The following DPY19L4 variants were observed in gnomAD, a reference collection of about 807,000 sequenced individuals.
DPY19L4 encodes the protein probable C-mannosyltransferase DPY19L4.
DPY19L4 carries 97 observed loss-of-function variants against 102.8 expected under a neutral mutation model. That is an observed-to-expected ratio of 0.94 (90% CI 0.80 to 1.12). The LOEUF is 1.12. Among genes scored for constraint, DPY19L4 ranks in the 50% most tolerant of loss-of-function variants. The probability of loss-of-function intolerance (pLI) is 0.00; values close to 1 mark genes in which losing one functional copy is unlikely to be tolerated. For synonymous variants in DPY19L4, 252 were observed against 283.1 expected (o/e 0.89, Z 1.10); for missense variants, 815 against 850.4 (o/e 0.96, Z 0.52).
At chr8:94,727,191 G>A (rs1810727714) in intron 2 of DPY19L4, among the ~76,000 whole-genome samples, 1 of 152,200 alleles carries the variant, frequency 6.6e-6, no homozygotes, top group African/African-American at 2.4e-5. Context: ...GGACTCACAA[G>A]TTTCAGAATG....
At chr8:94,725,763 G>T (rs1346783753) in intron 1 of DPY19L4, among the ~76,000 whole-genome samples, 3 of 152,030 alleles carry the variant, frequency 2.0e-5, no homozygotes, top group African/African-American at 4.8e-5. Context: ...AGCCCCCCAA[G>T]TAGCTGGGAC....
intron 13 of DPY19L4, among the ~76,000 whole-genome samples, chr8:94,775,058 C>G (rs1270401785): frequency 6.6e-6 from 1 of 152,090 alleles, no homozygotes; most frequent in Non-Finnish European, 1.5e-5. Context: ...ACTGTGGATA[C>G]AAGGGGTCTT....
At chr8:94,731,947 A>G (rs1461179182) in intron 2 of DPY19L4, among the ~76,000 whole-genome samples, 1 of 151,520 alleles carries the variant, frequency 6.6e-6, no homozygotes, top group Admixed American at 6.6e-5. Flanking sequence ...TTGTTTTTGT[A>G]TTTTTAGTAG....
At chr8:94,752,322 C>T (rs895406271) in intron 6 of DPY19L4, among the ~76,000 whole-genome samples, 4 of 152,016 alleles carry the variant, frequency 2.6e-5, no homozygotes, top group African/African-American at 4.8e-5. Flanking sequence ...CAGGGTCTCA[C>T]GCCTGTAATC....
At chr8:94,758,582 C>G (rs921236608) in intron 7 of DPY19L4, among the ~76,000 whole-genome samples, 11 of 152,268 alleles carry the variant, frequency 7.2e-5, no homozygotes, top group African/African-American at 2.4e-4. Flanking sequence ...AATTTTGTCA[C>G]CTTGAAAGGT....
intron 13 of DPY19L4, among the ~76,000 whole-genome samples, chr8:94,771,207 A>G (rs1379469075): frequency 1.3e-5 from 2 of 152,166 alleles, no homozygotes; most frequent in South Asian, 2.1e-4. Flanking sequence ...GAGCCACCGC[A>G]CCCAGCAAAG....
chr8:94,766,300 G>A (rs549955750), intron 10 of DPY19L4, among the ~76,000 whole-genome samples: 86 of 152,234 alleles, frequency 5.6e-4, no homozygotes, highest in African/African-American at 2.0e-3. Context: ...GCTTGAACCC[G>A]GGAGGCAGAG....
At chr8:94,738,331 AAAAT>A in intron 3 of DPY19L4, 34 bp from the exon 4 acceptor site, 2 of 1,299,880 alleles carry the variant, frequency 1.5e-6, no homozygotes, top group African/African-American at 1.6e-5. Flanking sequence ...AAAAAAAAAA[AAAAT>A]TAAATTTTAA....
intron 6 of DPY19L4, among the ~76,000 whole-genome samples, chr8:94,741,380 T>C (rs370168880): frequency 1.1e-4 from 17 of 152,342 alleles, no homozygotes; most frequent in African/African-American, 4.1e-4. Flanking sequence ...AGTAATTTTA[T>C]TAGGTTTTAT....
At chr8:94,770,337 T>C in intron 12 of DPY19L4, 115 bp from the exon 13 acceptor site, 1 of 1,130,590 alleles carries the variant, frequency 8.8e-7, no homozygotes, top group East Asian at 2.7e-5. Flanking sequence ...CTATATTTTT[T>C]GTTATGACGA....
At chr8:94,744,893 G>A (rs146970490) in intron 6 of DPY19L4, 9 of 219,054 alleles carry the variant, frequency 4.1e-5, no homozygotes, top group Admixed American at 4.1e-4. Flanking sequence ...GTTCTTAATA[G>A]CTAAGTTTTA....
intron 16 of DPY19L4, among the ~76,000 whole-genome samples, chr8:94,783,104 A>C (rs1181168471): frequency 6.6e-6 from 1 of 152,228 alleles, no homozygotes; most frequent in Non-Finnish European, 1.5e-5. Flanking sequence ...GTATTACAAC[A>C]GCCCTTTGGG....
intron 7 of DPY19L4, among the ~76,000 whole-genome samples, chr8:94,758,479 C>T (rs550373771): frequency 4.6e-5 from 7 of 152,132 alleles, no homozygotes; most frequent in Non-Finnish European, 7.4e-5. Flanking sequence ...AGAACTCTTC[C>T]GTCACCACTA....
chr8:94,730,773 T>C (rs1810914851), intron 2 of DPY19L4, among the ~76,000 whole-genome samples: 2 of 136,368 alleles, frequency 1.5e-5, no homozygotes, highest in African/African-American at 5.4e-5. Context: ...GAGACGGAGT[T>C]TCGCTCTTGT....
At chr8:94,779,963 A>G (rs1813356612) in intron 14 of DPY19L4, among the ~76,000 whole-genome samples, 1 of 151,918 alleles carries the variant, frequency 6.6e-6, no homozygotes, top group South Asian at 2.1e-4. Context: ...TATATTAGCT[A>G]TTTTTCTTGT....
chr8:94,727,663 T>C (rs750504270), intron 2 of DPY19L4, among the ~76,000 whole-genome samples: 4 of 152,192 alleles, frequency 2.6e-5, no homozygotes, highest in Non-Finnish European at 5.9e-5. Context: ...TCACACAGGA[T>C]GGGCCTGATT....
rs1195327551 is a variant in DPY19L4 at position 94,783,792 on chromosome 8, G to A, written c.1838G>A (p.Arg613Lys). ...TACAATGATGATGATCTTCTCAAGAGAAATGAAAATGTAAGACATTTTAAA... is the reference window on the plus strand; with the variant it reads ...TACAATGATGATGATCTTCTCAAGAAAAATGAAAATGTAAGACATTTTAAA... ...PLYNDDDLLK[R>K]NENIYQIYSK... Residue 613 changes from arginine to lysine, a missense_variant, in exon 17 of 19, where the codon AGA becomes AAA. Arg to Lys is a conservative substitution (Grantham distance 26). Transcript: ENST00000414645. The A allele has an allele frequency of 6.2e-7, 1 of 1,613,628 alleles. No individual in the cohort carries two copies. Among genetic ancestry groups the A allele is most frequent in the Admixed American group, 1.7e-5 (1 of 59,882 alleles).
chr8:94,779,628 T>C (rs4735323), intron 14 of DPY19L4, among the ~76,000 whole-genome samples: 135,240 of 152,204 alleles, frequency 0.89, 60,228 homozygotes, highest in East Asian at 0.96. Context: ...CACCCAGCCA[T>C]GCCCAGGTTT....
At chr8:94,788,307 T>C (rs910205533) in intron 18 of DPY19L4, among the ~76,000 whole-genome samples, 1 of 152,066 alleles carries the variant, frequency 6.6e-6, no homozygotes, top group Admixed American at 6.6e-5. Context: ...TCCTTATTCA[T>C]TGCCTGTACT....
Sources: allele counts gnomAD v4.1 joint callset (sites outside exome capture counted in the v4.1 genomes callset), GRCh38; gene constraint gnomAD v4.1.1; transcripts MANE v1.5; gene names NCBI Gene and HGNC (gene_info 2026-07-23, HGNC 2026-07-21).